The following CBFA2T2 variants were observed in gnomAD, a reference collection of about 807,000 sequenced individuals.
The protein encoded by CBFA2T2 is protein CBFA2T2.
A neutral mutation model predicts 62.2 loss-of-function variants in CBFA2T2; 11 were observed. That is an observed-to-expected ratio of 0.18 (90% confidence interval 0.11 to 0.29). The LOEUF (loss-of-function observed/expected upper bound fraction) is 0.29. CBFA2T2 is among the 10% of genes least tolerant of loss of function. CBFA2T2 has a pLI of 1.00. For synonymous variants in CBFA2T2, 295 were observed against 287.5 expected, an observed-to-expected ratio of 1.03 and a Z score of -0.27; for missense variants, 592 against 774.1, an observed-to-expected ratio of 0.76 and a Z score of 2.79.
At chr20:33,594,417 T>A (rs568397284) in intron 1 of CBFA2T2, among the ~76,000 whole-genome samples, 509 of 152,240 alleles carry the variant, frequency 3.3e-3, no homozygotes, top group Non-Finnish European at 5.0e-3. Context: ...AGACAGGGTT[T>A]CACTGTGTTA....
chr20:33,637,949 G>A (rs182130581), intron 9 of CBFA2T2, among the ~76,000 whole-genome samples: 242 of 134,668 alleles, frequency 1.8e-3, no homozygotes, highest in Non-Finnish European at 3.0e-3. Context: ...TTACAGACGT[G>A]AGCCACTGCA....
At chr20:33,509,576 C>T (rs538098262) in intron 1 of CBFA2T2, among the ~76,000 whole-genome samples, 6 of 152,072 alleles carry the variant, frequency 3.9e-5, no homozygotes, top group Non-Finnish European at 7.4e-5. Context: ...ACCTGTAATC[C>T]CAGCAATTTG....
chr20:33,495,077 T>G (rs917174690), intron 1 of CBFA2T2, among the ~76,000 whole-genome samples: 3 of 152,138 alleles, frequency 2.0e-5, no homozygotes, highest in African/African-American at 7.2e-5. Flanking sequence ...TCTATTGCTC[T>G]GATGAAATCT....
At chr20:33,526,887 T>A (rs528802101) in intron 1 of CBFA2T2, among the ~76,000 whole-genome samples, 9 of 152,312 alleles carry the variant, frequency 5.9e-5, no homozygotes. Flanking sequence ...TCACCTGGCT[T>A]GCATTGCAAT....
chr20:33,531,533 T>C (rs1458432877), intron 1 of CBFA2T2, among the ~76,000 whole-genome samples: 5 of 152,216 alleles, frequency 3.3e-5, no homozygotes, highest in Non-Finnish European at 7.3e-5. Context: ...GGAATCCTTA[T>C]CCTTAGACCT....
intron 1 of CBFA2T2, among the ~76,000 whole-genome samples, chr20:33,579,306 A>C (rs2013997510): frequency 6.6e-6 from 1 of 151,672 alleles, no homozygotes; most frequent in Non-Finnish European, 1.5e-5. Flanking sequence ...GGGCTCAAGC[A>C]GTCCTCCAGT....
At chr20:33,641,661 G>A (rs1313868236) in intron 10 of CBFA2T2, among the ~76,000 whole-genome samples, 4 of 152,054 alleles carry the variant, frequency 2.6e-5, no homozygotes, top group African/African-American at 4.8e-5. Context: ...TCGGCTCACC[G>A]CAACCTCTAC....
At chr20:33,513,917 G>A (rs527695439) in intron 1 of CBFA2T2, among the ~76,000 whole-genome samples, 1 of 149,258 alleles carries the variant, frequency 6.7e-6, no homozygotes, top group South Asian at 2.1e-4. Flanking sequence ...TGTTGTTGTT[G>A]TTGTTTTGAG....
chr20:33,632,970 G>T (rs1165948127), intron 8 of CBFA2T2, among the ~76,000 whole-genome samples: 4 of 151,552 alleles, frequency 2.6e-5, no homozygotes. Context: ...TGTTTGCCAG[G>T]CTGGTCTCGA....
At chr20:33,550,380 C>T (rs2012704945) in intron 1 of CBFA2T2, among the ~76,000 whole-genome samples, 1 of 152,090 alleles carries the variant, frequency 6.6e-6, no homozygotes, top group Non-Finnish European at 1.5e-5. Context: ...ACTTTAACTC[C>T]CCTCCCCCTA....
chr20:33,601,297 C>T (rs1390806738), intron 1 of CBFA2T2, among the ~76,000 whole-genome samples: 5 of 152,042 alleles, frequency 3.3e-5, no homozygotes, highest in African/African-American at 1.2e-4. Flanking sequence ...CAGAGTCTCG[C>T]TCTGTCGCCC....
intron 3 of CBFA2T2, among the ~76,000 whole-genome samples, chr20:33,616,047 G>A (rs1836027894): frequency 6.6e-6 from 1 of 151,746 alleles, no homozygotes; most frequent in African/African-American, 2.4e-5. Context: ...CTGCACTCCT[G>A]CCTGGGTGAC....
chr20:33,617,461 A>G (rs538717494), intron 3 of CBFA2T2, among the ~76,000 whole-genome samples: 5 of 152,322 alleles, frequency 3.3e-5, no homozygotes, highest in Admixed American at 2.0e-4. Flanking sequence ...GGACTGCCCT[A>G]TATCCACTAT....
At chr20:33,540,038 A>C (rs141794665) in intron 1 of CBFA2T2, among the ~76,000 whole-genome samples, 30 of 152,246 alleles carry the variant, frequency 2.0e-4, no homozygotes, top group Middle Eastern at 6.8e-3. Context: ...CTACAGTGGA[A>C]GTGGCAGAAA....
At chr20:33,583,274 A>G (rs1347083977) in intron 1 of CBFA2T2, among the ~76,000 whole-genome samples, 3 of 152,234 alleles carry the variant, frequency 2.0e-5, no homozygotes, top group Non-Finnish European at 2.9e-5. Context: ...CAACTGAAAA[A>G]TCAGTTGTTT....
chr20:33,593,858 C>T (rs1292998767), intron 1 of CBFA2T2, among the ~76,000 whole-genome samples: 1 of 152,128 alleles, frequency 6.6e-6, no homozygotes, highest in African/African-American at 2.4e-5. Context: ...CCCTTCTGTC[C>T]ACACATATCC....
At chr20:33,524,515 G>T (rs1465790414) in intron 1 of CBFA2T2, among the ~76,000 whole-genome samples, 1 of 152,014 alleles carries the variant, frequency 6.6e-6, no homozygotes, top group Non-Finnish European at 1.5e-5. Context: ...GTTTTTCTTG[G>T]AACTTGCCTA....
chr20:33,573,768 C>CCA (rs1381578339), intron 1 of CBFA2T2, among the ~76,000 whole-genome samples: 1 of 151,988 alleles, frequency 6.6e-6, no homozygotes, highest in Non-Finnish European at 1.5e-5. Context: ...GCTTGAGCCA[C>CCA]CACACCCGGC....
At chr20:33,620,603 G>C (rs2015918433) in intron 4 of CBFA2T2, among the ~76,000 whole-genome samples, 1 of 152,220 alleles carries the variant, frequency 6.6e-6, no homozygotes, top group African/African-American at 2.4e-5. Flanking sequence ...ACGTTGGGAG[G>C]CCGAGGCAGG....
Sources: allele counts gnomAD v4.1 joint callset (sites outside exome capture counted in the v4.1 genomes callset), GRCh38; gene constraint gnomAD v4.1.1; transcripts MANE v1.5; gene names NCBI Gene and HGNC (gene_info 2026-07-23, HGNC 2026-07-21).